TTC7A: variants seen among roughly 807,000 people sequenced by gnomAD.
TTC7A encodes tetratricopeptide repeat protein 7A.
In TTC7A, 110 loss-of-function variants were observed where a neutral mutation model predicts 103.7. That is an observed-to-expected ratio of 1.06 (90% CI 0.91 to 1.24). The LOEUF (loss-of-function observed/expected upper bound fraction) is 1.24. Ranked by LOEUF, TTC7A falls within the 50% of genes most tolerant of loss-of-function variation. TTC7A has a pLI of 0.00. For missense variants in TTC7A, 1,340 were observed against 1,116.3 expected (o/e 1.20, Z -2.86); for synonymous variants, 521 against 467.9 (o/e 1.11, Z -1.47).
chr2:47,073,534 G>A (rs964092602), intron 19 of TTC7A, among the ~76,000 whole-genome samples, 168 bp from the exon 20 acceptor site: 1 of 152,174 alleles, frequency 6.6e-6, no homozygotes, highest in East Asian at 1.9e-4. Context: ...GGCCAGGTAG[G>A]ATTTGTATGG....
intron 3 of TTC7A, among the ~76,000 whole-genome samples, chr2:46,963,394 C>T (rs1352831243): frequency 4.6e-5 from 7 of 152,254 alleles, no homozygotes; most frequent in African/African-American, 7.2e-5. Context: ...TGAAGTGTTC[C>T]ACCACATGCC....
intron 17 of TTC7A, among the ~76,000 whole-genome samples, chr2:47,051,507 T>C (rs1682853526): frequency 6.6e-6 from 1 of 152,222 alleles, no homozygotes; most frequent in South Asian, 2.1e-4. Flanking sequence ...CAGGAATAGA[T>C]CCTAGTGGGA....
In TTC7A at chr2:46,951,080, A is replaced by G. The variant is rs570675949; in HGVS notation, c.348+554A>G. The stretch of plus-strand genomic sequence containing the variant: ...GTGACCTAGTTAGAAACAGGCAAAC[A>G]TGCAGAGTTGGCTAGGGACAGAAGA... On this transcript the variant is annotated intron_variant, in intron 2 of 19. Transcript: ENST00000319190. Among the ~76,000 whole-genome samples, 166 of 152,340 alleles carry G rather than the reference A, an allele frequency of 1.1e-3. 2 individuals are homozygous for G. The highest frequency in any genetic ancestry group is 3.8e-3 in the African/African-American group (157 of 41,574).
At chr2:46,929,349 T>C (rs1669572440) in intron 2 of TTC7A, among the ~76,000 whole-genome samples, 1 of 152,036 alleles carries the variant, frequency 6.6e-6, no homozygotes, top group Admixed American at 6.6e-5. Flanking sequence ...TACCTGGCTG[T>C]GGTGGTACAC....
At chr2:46,944,374 G>GTTTTTTTTTT (rs34191565) in intron 1 of TTC7A, among the ~76,000 whole-genome samples, 7 of 88,944 alleles carry the variant, frequency 7.9e-5, no homozygotes, top group African/African-American at 2.7e-4. Context: ...GGTATTTTGG[G>GTTTTTTTTTT]TTTTTTTTTT....
At chr2:47,038,628 TTCCCACCCACCCTCC>T (rs1681393944) in intron 15 of TTC7A, among the ~76,000 whole-genome samples, 1 of 97,612 alleles carries the variant, frequency 1.0e-5, no homozygotes, top group Admixed American at 1.2e-4. Flanking sequence ...CTGCTGCCAC[TTCCCACCCACCCTCC>T]CCCCACCCAC....
chr2:47,027,945 C>T (rs575633144), intron 14 of TTC7A, among the ~76,000 whole-genome samples: 2 of 152,308 alleles, frequency 1.3e-5, no homozygotes, highest in East Asian at 3.9e-4. Context: ...TGGAAACATT[C>T]CCCAGACCCT....
chr2:46,968,558 C>T (rs1342527920), intron 3 of TTC7A, among the ~76,000 whole-genome samples: 1 of 152,184 alleles, frequency 6.6e-6, no homozygotes, highest in Non-Finnish European at 1.5e-5. Context: ...TTTTTATGGG[C>T]AGAACTGGGT....
chr2:47,004,350 C>T (rs185708284), intron 8 of TTC7A, among the ~76,000 whole-genome samples: 9 of 152,310 alleles, frequency 5.9e-5, no homozygotes, highest in Non-Finnish European at 1.0e-4. Flanking sequence ...CGCTGCAGGA[C>T]ACACCCAGAG....
chr2:47,073,138 TC>T (rs1382956496), intron 19 of TTC7A, among the ~76,000 whole-genome samples: 5 of 152,132 alleles, frequency 3.3e-5, no homozygotes. Flanking sequence ...TTTGAGCTTT[TC>T]CTCCCTGGTG....
intron 18 of TTC7A, among the ~76,000 whole-genome samples, chr2:47,060,056 A>G (rs1683639008): frequency 6.6e-6 from 1 of 151,920 alleles, no homozygotes; most frequent in Non-Finnish European, 1.5e-5. Flanking sequence ...TACTCTGGAG[A>G]CTGAGGTAGG....
At chr2:47,056,324 A>C (rs1489432504) in intron 18 of TTC7A, among the ~76,000 whole-genome samples, 1 of 152,148 alleles carries the variant, frequency 6.6e-6, no homozygotes, top group Non-Finnish European at 1.5e-5. Context: ...AGCCATGGTG[A>C]ATTCTTTTGG....
rs554101543 is a variant in TTC7A at position 47,016,858 on chromosome 2, G to A, written c.1393-5004G>A. On this transcript the variant is annotated intron_variant, in intron 11 of 19. Transcript: ENST00000319190. Reference sequence around the variant, plus strand: ...CCATCTGATTAGAGCAATTTTTCCAGATCGCAGGTGGGGCCCATTAGTGGG... The same window carrying A: ...CCATCTGATTAGAGCAATTTTTCCAAATCGCAGGTGGGGCCCATTAGTGGG... 8.5e-5 allele frequency among the ~76,000 whole-genome samples: 13 copies of A among 152,246 alleles called. No homozygotes were observed. The East Asian group carries it at 2.5e-3, about 29-fold the overall frequency.
At chr2:46,937,648 G>A (rs867735310), upstream of TTC7A, among the ~76,000 whole-genome samples, 6 of 152,160 alleles carry the variant, frequency 3.9e-5, no homozygotes, top group African/African-American at 1.4e-4. The surrounding 1 kb of genome is among the most constrained non-coding windows in gnomAD (Gnocchi z 4.0). Context: ...AGATTGTCCA[G>A]GCTGGTCTTG....
intron 1 of TTC7A, among the ~76,000 whole-genome samples, chr2:46,949,020 A>G (rs1386642516): frequency 6.6e-6 from 1 of 152,154 alleles, no homozygotes; most frequent in Non-Finnish European, 1.5e-5. Flanking sequence ...CTTATATTGA[A>G]TGGTGGGCCT....
intron 3 of TTC7A, among the ~76,000 whole-genome samples, chr2:46,966,779 AC>A (rs1308472827): frequency 1.6e-5 from 2 of 127,144 alleles, no homozygotes; most frequent in African/African-American, 5.8e-5. Flanking sequence ...GGTGTGAGTC[AC>A]CACCCCCAGC....
chr2:47,070,972 A>C (rs1429518099), intron 19 of TTC7A: 2 of 152,272 alleles, frequency 1.3e-5, no homozygotes, highest in African/African-American at 2.4e-5. Flanking sequence ...CATCCTCACC[A>C]GGATGAGGGA....
chr2:47,067,015 G>A (rs1190911050), intron 19 of TTC7A, among the ~76,000 whole-genome samples: 2 of 152,328 alleles, frequency 1.3e-5, no homozygotes, highest in Middle Eastern at 3.4e-3. Context: ...GCAAGAGAGT[G>A]TGAGAGAAGG....
chr2:46,918,915 A>G (rs1452059943), intron 2 of TTC7A, among the ~76,000 whole-genome samples: 1 of 152,212 alleles, frequency 6.6e-6, no homozygotes, highest in South Asian at 2.1e-4. Context: ...CAGGAGTCTC[A>G]TAACTTGGAA....
Sources: allele counts gnomAD v4.1 joint callset (sites outside exome capture counted in the v4.1 genomes callset), GRCh38; gene constraint gnomAD v4.1.1; non-coding constraint Gnocchi (gnomAD v3.1); transcripts MANE v1.5; gene names NCBI Gene and HGNC (gene_info 2026-07-23, HGNC 2026-07-21).